Variants in TCEANC2 observed in about 807,000 individuals in gnomAD.
The protein encoded by TCEANC2 is transcription elongation factor A N-terminal and central domain containing 2, also known as transcription elongation factor A N-terminal and central domain-containing protein 2.
TCEANC2 carries 20 observed loss-of-function variants against 22.8 expected under a neutral mutation model. That is an observed-to-expected ratio of 0.88 (90% CI 0.62 to 1.28). The LOEUF (loss-of-function observed/expected upper bound fraction) is 1.28. Among genes scored for constraint, TCEANC2 ranks in the 50% most tolerant of loss-of-function variants. The pLI is 0.00. For missense variants in TCEANC2, 251 were observed against 249.7 expected, an observed-to-expected ratio of 1.01 and a Z score of -0.03; for synonymous variants, 84 against 95.5, an observed-to-expected ratio of 0.88 and a Z score of 0.70.
chr1:54,063,455 G>A (rs374097050), intron 2 of TCEANC2, among the ~76,000 whole-genome samples: 2 of 152,160 alleles, frequency 1.3e-5, no homozygotes, highest in Non-Finnish European at 2.9e-5. Flanking sequence ...TAATGCTCAT[G>A]TCTGTTATAT....
intron 3 of TCEANC2, among the ~76,000 whole-genome samples, chr1:54,071,265 CA>C: frequency 6.6e-6 from 1 of 152,212 alleles, no homozygotes; most frequent in South Asian, 2.1e-4. Context: ...TTTATTTTTT[CA>C]CACAATTTTT....
chr1:54,086,038 A>G (rs1167592702), intron 3 of TCEANC2, among the ~76,000 whole-genome samples: 2 of 152,074 alleles, frequency 1.3e-5, no homozygotes, highest in African/African-American at 4.8e-5. Context: ...CCAGGCGACT[A>G]CTTTCTATAT....
Position 54,096,361 on chromosome 1 carries a change from G to C in TCEANC2, c.515G>C (p.Arg172Pro), listed in dbSNP as rs774935013. ...TCCCGCCTCATTAATGGGCCGTACC[G>C]GCGGACGGTGAGAGCCCTGGTCTTC... ...LCSRLINGPY[R>P]RTVRALVFTL... Residue 172 changes from arginine (R) to proline (P), a missense_variant, in exon 5 of 5, where the codon CGG becomes CCG. Transcript: ENST00000234827. This position sits in a 1 kb window ranked among gnomAD's most constrained non-coding sequence, Gnocchi z 4.9. The C allele has an allele frequency of 1.2e-6, 2 of 1,613,014 alleles. No homozygotes were observed. Among genetic ancestry groups the C allele is most frequent in the Non-Finnish European group, 8.5e-7 (1 of 1,178,968 alleles).
At chr1:54,075,405 A>C (rs1175609088) in intron 3 of TCEANC2, among the ~76,000 whole-genome samples, 2 of 152,200 alleles carry the variant, frequency 1.3e-5, no homozygotes, top group African/African-American at 4.8e-5. Flanking sequence ...CAGAGACATG[A>C]GTAAAGGAAT....
downstream of TCEANC2, among the ~76,000 whole-genome samples, chr1:54,109,580 G>A (rs563758797): frequency 2.0e-4 from 30 of 152,304 alleles, no homozygotes; most frequent in African/African-American, 3.8e-4. Flanking sequence ...CAGGCATTTC[G>A]TTATCTGTTT....
intron 2 of TCEANC2, among the ~76,000 whole-genome samples, chr1:54,060,056 C>G (rs1044526760): frequency 2.0e-5 from 3 of 152,016 alleles, no homozygotes; most frequent in Non-Finnish European, 4.4e-5. Context: ...CACTTGAGCC[C>G]AGGAGTTTGA....
chr1:54,099,565 G>T lies in TCEANC2; in HGVS notation c.*3092G>T, dbSNP rs761923570. On this transcript the variant is annotated 3_prime_UTR_variant, in exon 5 of 5. Coordinates refer to ENST00000234827, the MANE Select transcript of TCEANC2 (RefSeq NM_153035.3). Reference sequence around the variant, plus strand: ...TTGAAACCAGCCTGGCCAACATGGCGAAACCCTGTCTGTACTAAAAATACA... The same window carrying T: ...TTGAAACCAGCCTGGCCAACATGGCTAAACCCTGTCTGTACTAAAAATACA... 1 of 152,012 alleles carries T rather than the reference G, an allele frequency of 6.6e-6. No homozygotes were observed. Among genetic ancestry groups the T allele is most frequent in the African/African-American group, 2.4e-5 (1 of 41,356 alleles). 9.4% of individuals were successfully genotyped at this position (152,012 alleles called of 1,614,324 possible).
chr1:54,066,980 C>T (rs1657969450), intron 2 of TCEANC2, among the ~76,000 whole-genome samples: 1 of 152,122 alleles, frequency 6.6e-6, no homozygotes, highest in African/African-American at 2.4e-5. Context: ...CATCACCCAC[C>T]ATAAGCCATA....
chr1:54,089,322 T>C (rs1658398726), intron 4 of TCEANC2, among the ~76,000 whole-genome samples: 2 of 152,188 alleles, frequency 1.3e-5, no homozygotes, highest in African/African-American at 2.4e-5. Context: ...GTAAAATAAA[T>C]AGCTGTCTAT....
At chr1:54,112,222 C>T (rs1436130182) in exon 5 of TCEANC2, 1 of 151,192 alleles carries the variant, frequency 6.6e-6, no homozygotes, top group African/African-American at 2.4e-5. Context: ...AACAAATAGC[C>T]AGGCATGGTG....
At position 54,088,583 on chromosome 1, in the gene TCEANC2, T is replaced by C. The variant is rs1193537741; in HGVS notation, c.245-14T>C. Reference sequence around the variant, plus strand: ...GTAACAACCTTTCCTTTGGTTTTTCTCTTCCTGTTCCAGGTCACACTGTGA... The same window carrying C: ...GTAACAACCTTTCCTTTGGTTTTTCCCTTCCTGTTCCAGGTCACACTGTGA... On this transcript the variant is annotated splice_polypyrimidine_tract_variant and intron_variant, in intron 3 of 4. Transcript: ENST00000234827. 1 of 1,585,990 alleles carries C rather than the reference T, an allele frequency of 6.3e-7. No individual in the cohort carries two copies. Among genetic ancestry groups the C allele is most frequent in the African/African-American group, 1.4e-5 (1 of 73,188 alleles).
At chr1:54,091,638 A>G (rs1406970170) in intron 4 of TCEANC2, among the ~76,000 whole-genome samples, 11 of 152,296 alleles carry the variant, frequency 7.2e-5, no homozygotes, top group Non-Finnish European at 5.9e-5. Flanking sequence ...TGCTTTCTAG[A>G]TTCATGGATT....
In TCEANC2 at chr1:54,103,069, C is replaced by G. The variant is rs961321003; in HGVS notation, c.*6596C>G. The G allele has an allele frequency of 1.3e-5, 2 of 152,220 alleles. No individual in the cohort carries two copies. Among genetic ancestry groups the G allele is most frequent in the Non-Finnish European group, 2.9e-5 (2 of 68,070 alleles). 9.4% of individuals were successfully genotyped at this position (152,220 alleles called of 1,614,324 possible). The stretch of plus-strand genomic sequence containing the variant: ...GTAGTTGGACCTATAGGAGTGGGCA[C>G]CAAGTGTGAAGATCATTGTATTCCA... On this transcript the variant is annotated 3_prime_UTR_variant, in exon 5 of 5. Coordinates refer to ENST00000234827, the MANE Select transcript of TCEANC2 (RefSeq NM_153035.3).
At chr1:54,095,036 T>A (rs1224570811) in intron 4 of TCEANC2, among the ~76,000 whole-genome samples, 2 of 152,150 alleles carry the variant, frequency 1.3e-5, no homozygotes, top group Non-Finnish European at 2.9e-5. Flanking sequence ...ATCCTAGCTC[T>A]TGAGAGGCTG....
rs1371916255 is a variant in TCEANC2, at chr1:54,100,085, A to G, written c.*3612A>G. On this transcript the variant is annotated 3_prime_UTR_variant, in exon 5 of 5. Coordinates refer to ENST00000234827, the MANE Select transcript of TCEANC2 (RefSeq NM_153035.3). ...GAAACCTTGCCTGTACTAAAAATACAAAAATTAGCCAGATCTGGTGGCAGG... is the reference window on the plus strand; with the variant it reads ...GAAACCTTGCCTGTACTAAAAATACGAAAATTAGCCAGATCTGGTGGCAGG... The G allele has an allele frequency of 6.6e-6, 1 of 152,024 alleles. No homozygotes were observed. The highest frequency in any genetic ancestry group is 2.4e-5 in the African/African-American group (1 of 41,368). The allele number at this position is 152,024 out of a possible 1,614,324, so 9.4% of individuals were successfully genotyped here.
chr1:54,057,282 TG>T (rs1455987952), intron 2 of TCEANC2, among the ~76,000 whole-genome samples: 1 of 148,778 alleles, frequency 6.7e-6, no homozygotes, highest in Non-Finnish European at 1.5e-5. Flanking sequence ...AATGCAGTGA[TG>T]TGATCATGGG....
chr1:54,068,130 C>A (rs1657991544), intron 2 of TCEANC2, among the ~76,000 whole-genome samples: 1 of 152,130 alleles, frequency 6.6e-6, no homozygotes. Flanking sequence ...TACATAGTTT[C>A]TTCTAGGAAG....
chr1:54,058,228 A>G (rs910382471), intron 2 of TCEANC2, among the ~76,000 whole-genome samples: 1 of 152,144 alleles, frequency 6.6e-6, no homozygotes, highest in Non-Finnish European at 1.5e-5. Flanking sequence ...ATAAAATCCT[A>G]TTCATCTCCC....
chr1:54,076,414 G>T (rs1240605791), intron 3 of TCEANC2, among the ~76,000 whole-genome samples: 3 of 152,162 alleles, frequency 2.0e-5, no homozygotes, highest in Non-Finnish European at 2.9e-5. Flanking sequence ...CTCCATCCAT[G>T]TTCCCACAAA....
Sources: gnomAD v4.1 joint callset for allele counts (sites outside exome capture counted in the v4.1 genomes callset) on GRCh38, gnomAD v4.1.1 for gene constraint, Gnocchi (gnomAD v3.1) non-coding constraint, MANE v1.5 for transcripts, NCBI Gene and HGNC (gene_info 2026-07-23, HGNC 2026-07-21) for gene names.